Variants in CHST13 observed in about 807,000 individuals in gnomAD.
The protein encoded by CHST13 is C4ST-3.
A neutral mutation model predicts 7.0 loss-of-function variants in CHST13; 1 was observed. The observed-to-expected ratio is 0.14, with a 90% confidence interval of 0.05 to 0.68. CHST13 has a LOEUF of 0.68. Among genes scored for constraint, CHST13 ranks in the 30% least tolerant of loss-of-function variants. The probability of loss-of-function intolerance (pLI) is 0.82; values close to 1 mark genes in which losing one functional copy is unlikely to be tolerated. For missense variants in CHST13, 572 were observed against 507.9 expected (o/e 1.13, Z -1.21); for synonymous variants, 257 against 240.9 (o/e 1.07, Z -0.62).
chr3:126,533,317 G>A (rs1936696263), intron 1 of CHST13, among the ~76,000 whole-genome samples: 1 of 152,118 alleles, frequency 6.6e-6, no homozygotes, highest in South Asian at 2.1e-4. Context: ...TGATCTTAGG[G>A]AGAAAGCTTC....
At chr3:126,532,743 T>C (rs1356157752) in intron 1 of CHST13, among the ~76,000 whole-genome samples, 2 of 152,240 alleles carry the variant, frequency 1.3e-5, no homozygotes, top group African/African-American at 4.8e-5. Context: ...CTTTTGGATA[T>C]TCTGAATCCC....
intron 2 of CHST13, among the ~76,000 whole-genome samples, chr3:126,540,301 C>T (rs1330490713): frequency 6.6e-6 from 1 of 152,184 alleles, no homozygotes; most frequent in Non-Finnish European, 1.5e-5. Context: ...TTGTAACTAT[C>T]ACCGCTGTCT....
Position 126,524,259 on chromosome 3 carries a change from C to T in CHST13, c.-74C>T. ...TTGGTAGGCGCTGCGCTGCCGGGGC[C>T]GGGTCCTGGGCCAGTGCAACTCCGC... On this transcript the variant is annotated 5_prime_UTR_variant, in exon 1 of 3. Coordinates refer to ENST00000319340, the MANE Select transcript of CHST13 (RefSeq NM_152889.3). The T allele has an allele frequency of 8.7e-7, 1 of 1,144,850 alleles. No individual in the cohort carries two copies. The highest frequency in any genetic ancestry group is 1.1e-6 in the Non-Finnish European group (1 of 916,796). 70.9% of individuals were successfully genotyped at this position (1,144,850 alleles called of 1,614,324 possible).
At chr3:126,536,422 G>A in intron 2 of CHST13, 69 bp downstream of exon 2, 2 of 1,225,578 alleles carry the variant, frequency 1.6e-6, no homozygotes, top group Non-Finnish European at 2.4e-6. Flanking sequence ...CAGCAACAGT[G>A]CAGACCTGCT....
chr3:126,525,816 G>A (rs556135482), intron 1 of CHST13, among the ~76,000 whole-genome samples: 13 of 152,264 alleles, frequency 8.5e-5, no homozygotes, highest in Admixed American at 7.8e-4. Flanking sequence ...CCATGTCTCC[G>A]TGGGACACCT....
At chr3:126,540,738 A>G (rs1936940559) in intron 2 of CHST13, among the ~76,000 whole-genome samples, 1 of 152,158 alleles carries the variant, frequency 6.6e-6, no homozygotes. Flanking sequence ...TATGCCTAGG[A>G]CCGGAATTGC....
rs1004538852 is a variant in CHST13 at position 126,524,427 on chromosome 3, C to G, written c.95C>G (p.Pro32Arg). The G allele has an allele frequency of 9.9e-6, 11 of 1,110,604 alleles. No individual in the cohort carries two copies. Among genetic ancestry groups the G allele is most frequent in the African/African-American group, 8.1e-5 (5 of 61,722 alleles). 68.8% of individuals were successfully genotyped at this position (1,110,604 alleles called of 1,614,324 possible). A position where few individuals can be genotyped will look rare whatever the true frequency, so the allele number is the denominator to read the frequency against. ...LLCAAPRSLR[P>R]AFGNRALGSS... ...TGCGCCGCGCCCCGCTCCCTGCGCC[C>G]GGGTGAGTGCCCGCCGGCCGAGCCG... The change falls in exon 1 of 3, where the codon CCG becomes CGG. Residue 32 changes from proline to arginine, a missense_variant and splice_region_variant. Transcript: ENST00000319340.
chr3:126,536,896 AACACACACAC>A (rs10670471), intron 2 of CHST13, among the ~76,000 whole-genome samples: 5 of 140,490 alleles, frequency 3.6e-5, no homozygotes, highest in South Asian at 2.5e-4. Context: ...CACACACACA[AACACACACAC>A]ACACACACAC....
rs1261691343 is a variant in CHST13 at position 126,542,703 on chromosome 3, G to A, written c.*125G>A. Reference sequence around the variant, plus strand: ...CACTGCGTGCACTCACCTGGCCGCCGGGCCAGCGGGCGCAGGGCACACCTG... The same window carrying A: ...CACTGCGTGCACTCACCTGGCCGCCAGGCCAGCGGGCGCAGGGCACACCTG... On this transcript the variant is annotated 3_prime_UTR_variant, in exon 3 of 3. Coordinates refer to ENST00000319340, the MANE Select transcript of CHST13 (RefSeq NM_152889.3). 8.3e-6 allele frequency: 11 copies of A among 1,319,464 alleles called. No homozygotes were observed. The highest frequency in any genetic ancestry group is 1.9e-5 in the South Asian group (1 of 51,846). 81.7% of individuals were successfully genotyped at this position (1,319,464 alleles called of 1,614,324 possible).
chr3:126,542,270 G>A lies in CHST13; in HGVS notation c.718G>A (p.Glu240Lys). Residue 240 changes from glutamate (E) to lysine (K), a missense_variant, in exon 3 of 3, where the codon GAG becomes AAG. Physicochemically the swap from Glu to Lys is moderately conservative, Grantham distance 56 (BLOSUM62 1). Transcript: ENST00000319340. Reference sequence around the variant, plus strand: ...CCTGCTGGACCCGCGCACGCGGCGTGAGGAGCCCTTCAACGAGCACTGGGA... The same window carrying A: ...CCTGCTGGACCCGCGCACGCGGCGTAAGGAGCCCTTCAACGAGCACTGGGA... ...AYLLDPRTRR[E>K]EPFNEHWERA... The A allele has an allele frequency of 6.4e-7, 1 of 1,560,274 alleles. No individual in the cohort carries two copies. The highest frequency in any genetic ancestry group is 1.2e-5 in the South Asian group (1 of 86,796).
At chr3:126,529,276 C>T (rs1417962341) in intron 1 of CHST13, 12 of 1,267,134 alleles carry the variant, frequency 9.5e-6, no homozygotes, top group Non-Finnish European at 1.2e-5. Flanking sequence ...GTGCGGGTGT[C>T]CTGTGTGCAG....
chr3:126,541,228 G>A (rs1056785322), intron 2 of CHST13, among the ~76,000 whole-genome samples: 1 of 152,236 alleles, frequency 6.6e-6, no homozygotes, highest in African/African-American at 2.4e-5. Context: ...TTTGCTGGGG[G>A]AATAAAAGGA....
chr3:126,542,677 C>T lies in CHST13; in HGVS notation c.*99C>T. On this transcript the variant is annotated 3_prime_UTR_variant, in exon 3 of 3. Transcript: ENST00000319340. ...CGGCCCCAGGACCCCTCTTCAAGAG[C>T]CACTGCGTGCACTCACCTGGCCGCC... The T allele has an allele frequency of 7.3e-7, 1 of 1,372,028 alleles. No individual in the cohort carries two copies. The allele number at this position is 1,372,028 out of a possible 1,614,324, so 85.0% of individuals were successfully genotyped here. A position where few individuals can be genotyped will look rare whatever the true frequency, so the allele number is the denominator to read the frequency against.
In CHST13 at chr3:126,542,358, C is replaced by G. The variant is rs1439510963; in HGVS notation, c.806C>G (p.Thr269Arg). The change falls in exon 3 of 3, where the codon ACG (threonine) becomes AGG (arginine). Residue 269 changes from threonine to arginine, a missense_variant. Transcript: ENST00000319340. ...TACGACGTCGTGGGCAAGTTCGAGA[C>G]GCTGGCGGAGGACGCGGCCTTCGTG... ...LRYDVVGKFE[T>R]LAEDAAFVLG... 1.3e-6 allele frequency: 2 copies of G among 1,566,024 alleles called. No individual in the cohort carries two copies. Among genetic ancestry groups the G allele is most frequent in the Admixed American group, 1.8e-5 (1 of 55,062 alleles).
chr3:126,535,525 GAC>G (rs140150989), intron 1 of CHST13, among the ~76,000 whole-genome samples: 12,455 of 143,348 alleles, frequency 0.087, 1,056 homozygotes, highest in African/African-American at 0.2. Context: ...TCAGCCGGGA[GAC>G]ACACAGACAG....
intron 1 of CHST13, among the ~76,000 whole-genome samples, chr3:126,532,295 A>G (rs1158328802): frequency 6.6e-6 from 1 of 152,188 alleles, no homozygotes; most frequent in East Asian, 1.9e-4. Flanking sequence ...TATTTTTTAA[A>G]ATTTTGTTGT....
rs771449702 is a variant in CHST13, at chr3:126,536,246, G to A, written c.98-25G>A. 39 of 1,607,442 alleles carry A rather than the reference G, an allele frequency of 2.4e-5. 2 individuals are homozygous for A. The South Asian group carries it at 2.8e-4, about 11-fold the overall frequency. On this transcript the variant is annotated intron_variant, in intron 1 of 2. Coordinates refer to ENST00000319340, the MANE Select transcript of CHST13 (RefSeq NM_152889.3). ...ATGCAAGTCCCTCTGATATGGTGGC[G>A]ACATCTCTCTCCTTATGCCCACAGC...
At chr3:126,526,079 C>T (rs767769545) in intron 1 of CHST13, among the ~76,000 whole-genome samples, 5 of 152,324 alleles carry the variant, frequency 3.3e-5, no homozygotes, top group East Asian at 1.9e-4. Flanking sequence ...TTCTGTCAAG[C>T]GCTCTTGTAC....
At position 126,541,934 on chromosome 3, in the gene CHST13, A is replaced by G. The variant is rs1936966781; in HGVS notation, c.382A>G (p.Ser128Gly). The G allele has an allele frequency of 1.3e-6, 2 of 1,593,156 alleles. No homozygotes were observed. Among genetic ancestry groups the G allele is most frequent in the Non-Finnish European group, 1.7e-6 (2 of 1,170,914 alleles). ...CTGGAAGCGCGTGCTGCTGGCGCTG[A>G]GCGGCCAAGCCCGCGGCGACCCGCG... ...TNWKRVLLAL[S>G]GQARGDPRAI... is the part of the protein sequence containing the mutation. The change falls in exon 3 of 3, where the codon AGC (serine) becomes GGC (glycine). Residue 128 changes from serine to glycine, a missense_variant. By Grantham distance (56) the Ser-to-Gly change is moderately conservative (BLOSUM62 0). Coordinates refer to ENST00000319340, the MANE Select transcript of CHST13 (RefSeq NM_152889.3).
Sources: gnomAD v4.1 joint callset for allele counts (sites outside exome capture counted in the v4.1 genomes callset) on GRCh38, gnomAD v4.1.1 for gene constraint, MANE v1.5 for transcripts, NCBI Gene and HGNC (gene_info 2026-07-23, HGNC 2026-07-21) for gene names.